The following DLG2 variants were observed in gnomAD, a reference collection of about 807,000 sequenced individuals.
DLG2 encodes the protein discs large MAGUK scaffold protein 2.
Under a neutral mutation model 132.5 loss-of-function variants are expected in DLG2, and 45 were observed. That is an observed-to-expected ratio of 0.34 (90% CI 0.27 to 0.44). The LOEUF is 0.44. Among genes scored for constraint, DLG2 ranks in the 20% least tolerant of loss-of-function variants. The pLI, the probability that DLG2 is intolerant of heterozygous loss-of-function variation, is 1.00. For synonymous variants in DLG2, 424 were observed against 419.6 expected (o/e 1.01, Z -0.13); for missense variants, 1,045 against 1,196.9 (o/e 0.87, Z 1.87).
chr11:84,653,218 C>G (rs2099684255), intron 6 of DLG2, among the ~76,000 whole-genome samples: 1 of 152,178 alleles, frequency 6.6e-6, no homozygotes, highest in African/African-American at 2.4e-5. Flanking sequence ...GCGTGAGCCA[C>G]TGCACCTTGC....
chr11:84,360,472 A>G (rs1290119640), intron 7 of DLG2, among the ~76,000 whole-genome samples: 1 of 151,998 alleles, frequency 6.6e-6, no homozygotes. Flanking sequence ...TATATGATTC[A>G]ACAATTTTCA....
rs1365450957 is a variant in DLG2, at chr11:83,749,755, T to C, written c.1825+36935A>G. Among the ~76,000 whole-genome samples the C allele has an allele frequency of 4.6e-5, 7 of 152,114 alleles. 1 individual carries two copies. Among genetic ancestry groups the C allele is most frequent in the Non-Finnish European group, 1.0e-4 (7 of 68,026 alleles). On this transcript the variant is annotated intron_variant, in intron 18 of 27. Transcript: ENST00000376104. ...TAAGATTATTTCTTAGAAATGTGTA[T>C]GTAGGGACCTACACTGGGGAAAATT...
chr11:84,660,850 T>C (rs1358892026), intron 6 of DLG2, among the ~76,000 whole-genome samples: 1 of 152,192 alleles, frequency 6.6e-6, no homozygotes, highest in Non-Finnish European at 1.5e-5. Flanking sequence ...TTTCTGTGAC[T>C]TCCTGAATCT....
intron 8 of DLG2, among the ~76,000 whole-genome samples, chr11:84,198,178 T>C (rs1346348939): frequency 1.3e-5 from 2 of 152,116 alleles, no homozygotes. Flanking sequence ...CCCCATTTTA[T>C]AGATGAGAAT....
chr11:85,561,601 T>TC (rs2077249360), intron 3 of DLG2, among the ~76,000 whole-genome samples: 1 of 151,772 alleles, frequency 6.6e-6, no homozygotes, highest in African/African-American at 2.4e-5. Context: ...AATAACCAAT[T>TC]ATTTGAATAG....
In DLG2 at chr11:85,244,043, T is replaced by G. The variant is rs574362653; in HGVS notation, c.186+41177A>C. Among the ~76,000 whole-genome samples, 15 of 152,132 alleles carry G rather than the reference T, an allele frequency of 9.9e-5. No homozygotes were observed. In the South Asian group the frequency reaches 3.1e-3, roughly 32 times the overall value. On this transcript the variant is annotated intron_variant, in intron 4 of 27. Transcript: ENST00000376104. ...GCTTTGCACAGCATCAGTTACATATTGAGTGTTCCCAAAATGTTAGTTTCC... is the reference window on the plus strand; with the variant it reads ...GCTTTGCACAGCATCAGTTACATATGGAGTGTTCCCAAAATGTTAGTTTCC...
At chr11:84,160,463 T>C (rs2095521678) in intron 9 of DLG2, among the ~76,000 whole-genome samples, 1 of 152,094 alleles carries the variant, frequency 6.6e-6, no homozygotes, top group African/African-American at 2.4e-5. Flanking sequence ...TTTATGACTA[T>C]TGTGGGGATG....
rs189769015 is a variant in DLG2, at chr11:83,720,058, C to T, written c.1825+66632G>A. On this transcript the variant is annotated intron_variant, in intron 18 of 27. Coordinates refer to ENST00000376104, the MANE Select transcript of DLG2 (RefSeq NM_001142699.3). ...CTGTAATCCCAGCACTTTGGGAGGC[C>T]GAGGTGGACGGATCACCTGAGGTCA... is the stretch of plus-strand genomic sequence containing the variant. 9.6e-4 allele frequency among the ~76,000 whole-genome samples: 146 copies of T among 151,794 alleles called. 1 individual carries two copies. The highest frequency in any genetic ancestry group is 9.0e-3 in the South Asian group (43 of 4,800).
intron 10 of DLG2, among the ~76,000 whole-genome samples, chr11:84,067,103 G>A (rs749214849): frequency 6.6e-6 from 1 of 152,054 alleles, no homozygotes; most frequent in Non-Finnish European, 1.5e-5. Flanking sequence ...GGGAGGCCGA[G>A]GTGGGAGTAT....
At chr11:84,369,639 A>G (rs994479252) in intron 7 of DLG2, among the ~76,000 whole-genome samples, 14 of 152,132 alleles carry the variant, frequency 9.2e-5, no homozygotes, top group African/African-American at 3.1e-4. Flanking sequence ...TCTCTATTCA[A>G]TAAAAGGCTT....
intron 6 of DLG2, among the ~76,000 whole-genome samples, chr11:85,067,998 T>G (rs555555965): frequency 2.6e-4 from 40 of 152,180 alleles, no homozygotes; most frequent in African/African-American, 9.4e-4. Context: ...TGTTTCAACA[T>G]ATGCAAATCA....
At chr11:84,803,997 A>G (rs2075720118) in intron 6 of DLG2, among the ~76,000 whole-genome samples, 1 of 152,208 alleles carries the variant, frequency 6.6e-6, no homozygotes, top group South Asian at 2.1e-4. Context: ...ATTAAATGAC[A>G]TGATATACTC....
chr11:85,090,236 A>G (rs1331364610), intron 6 of DLG2, among the ~76,000 whole-genome samples: 5 of 152,232 alleles, frequency 3.3e-5, no homozygotes, highest in African/African-American at 9.6e-5. Flanking sequence ...AAAACACTGT[A>G]GAGTGGGCTT....
intron 4 of DLG2, among the ~76,000 whole-genome samples, chr11:85,156,613 C>T (rs1320737548): frequency 1.3e-5 from 2 of 152,210 alleles, no homozygotes; most frequent in African/African-American, 2.4e-5. Flanking sequence ...CTGTATCTCT[C>T]ATGTAGATGT....
chr11:83,710,185 C>T (rs1046052608), intron 18 of DLG2, among the ~76,000 whole-genome samples: 9 of 148,010 alleles, frequency 6.1e-5, no homozygotes, highest in Middle Eastern at 3.2e-3. Context: ...TTTTTTGAGA[C>T]TGAGTGTTAT....
At chr11:85,523,147 C>T (rs1054569706) in intron 3 of DLG2, among the ~76,000 whole-genome samples, 3 of 152,166 alleles carry the variant, frequency 2.0e-5, no homozygotes, top group Non-Finnish European at 4.4e-5. Context: ...GTGCTATTCT[C>T]ATGACAATGA....
rs140310203 is a variant in DLG2, at chr11:85,596,906, G to A, written c.40+1751C>T. ...TGAATTCAAAAGAAAATTATGTTTT[G>A]TTGTATAATGTTGCTCTCTTGTTTG... On this transcript the variant is annotated intron_variant, in intron 3 of 27. Transcript: ENST00000376104. 1.3e-3 allele frequency among the ~76,000 whole-genome samples: 202 copies of A among 152,304 alleles called. 1 individual carries two copies. Among genetic ancestry groups the A allele is most frequent in the African/African-American group, 4.6e-3 (190 of 41,566 alleles).
intron 7 of DLG2, chr11:84,437,448 C>A (rs2099004221): frequency 6.6e-6 from 1 of 152,100 alleles, no homozygotes; most frequent in Non-Finnish European, 1.5e-5. Context: ...TCTTAGCATA[C>A]CAGATAGAGG....
intron 6 of DLG2, among the ~76,000 whole-genome samples, chr11:84,917,938 A>C (rs1211018726): frequency 6.6e-6 from 1 of 152,140 alleles, no homozygotes; most frequent in African/African-American, 2.4e-5. Context: ...ACCATCTCTG[A>C]CTTGTTATGA....
Sources: allele counts gnomAD v4.1 joint callset (sites outside exome capture counted in the v4.1 genomes callset), GRCh38; gene constraint gnomAD v4.1.1; transcripts MANE v1.5; gene names NCBI Gene and HGNC (gene_info 2026-07-23, HGNC 2026-07-21).